The following PRPF31 variants were observed in gnomAD, a reference collection of about 807,000 sequenced individuals.
PRPF31 encodes the protein pre-mRNA processing factor 31, also known as U4/U6 small nuclear ribonucleoprotein Prp31.
PRPF31 carries 12 observed loss-of-function variants against 60.4 expected under a neutral mutation model. That is an observed-to-expected ratio of 0.20 (90% CI 0.13 to 0.32). PRPF31 has a LOEUF of 0.32. Among genes scored for constraint, PRPF31 ranks in the 10% least tolerant of loss-of-function variants. The pLI is 1.00. For missense variants in PRPF31, 431 were observed against 687.1 expected (o/e 0.63, Z 4.17); for synonymous variants, 287 against 287.9 (o/e 1.00, Z 0.03).
chr19:54,130,391 C>T (rs764992776), intron 13 of PRPF31, among the ~76,000 whole-genome samples: 3 of 152,120 alleles, frequency 2.0e-5, no homozygotes, highest in Non-Finnish European at 2.9e-5. Flanking sequence ...TTTGGGAGGC[C>T]GAGGCAGGTG....
At chr19:54,125,820 G>A (rs909362093) in intron 8 of PRPF31, among the ~76,000 whole-genome samples, 6 of 152,236 alleles carry the variant, frequency 3.9e-5, no homozygotes, top group African/African-American at 1.4e-4. Context: ...CCCAGGACGG[G>A]TGGGCCTGGG....
chr19:54,120,135 A>G (rs1371243656), intron 3 of PRPF31: 1 of 152,302 alleles, frequency 6.6e-6, no homozygotes, highest in Non-Finnish European at 1.5e-5. Context: ...AAAGAAAGGG[A>G]GAAGGGGGCC....
At chr19:54,121,030 G>A (rs1172416682) in intron 3 of PRPF31, among the ~76,000 whole-genome samples, 2 of 152,288 alleles carry the variant, frequency 1.3e-5, no homozygotes, top group Non-Finnish European at 2.9e-5. Context: ...GGTGGCTCAC[G>A]CCTGTCATCC....
At chr19:54,118,036 G>T (rs1313279053) in intron 1 of PRPF31, among the ~76,000 whole-genome samples, 1 of 152,160 alleles carries the variant, frequency 6.6e-6, no homozygotes, top group African/African-American at 2.4e-5. Context: ...ACACCACTTG[G>T]TTCCAGTAAG....
At chr19:54,127,173 A>T (rs2073941840) in intron 9 of PRPF31, among the ~76,000 whole-genome samples, 1 of 152,198 alleles carries the variant, frequency 6.6e-6, no homozygotes, top group African/African-American at 2.4e-5. Flanking sequence ...TGTAGGTCAG[A>T]AGTCCAAAAT....
At chr19:54,122,346 C>T (rs1480787206) in intron 4 of PRPF31, 151 bp from the exon 5 acceptor site, 17 of 771,600 alleles carry the variant, frequency 2.2e-5, no homozygotes, top group African/African-American at 1.2e-4. Flanking sequence ...GCGGTAAGGA[C>T]GGCTGAGAAA....
intron 3 of PRPF31, 33 bp downstream of exon 3, chr19:54,118,666 T>C: frequency 6.2e-7 from 1 of 1,608,710 alleles, no homozygotes; most frequent in South Asian, 1.1e-5. Flanking sequence ...CCTCCCCATC[T>C]CCTGTCTCTC....
At chr19:54,121,135 TACAA>T (rs2073776215) in intron 3 of PRPF31, among the ~76,000 whole-genome samples, 1 of 151,526 alleles carries the variant, frequency 6.6e-6, no homozygotes, top group Admixed American at 6.6e-5. Context: ...CTACTAAAAA[TACAA>T]ACAAACAAAA....
Position 54,123,575 on chromosome 19 carries a change from A to C in PRPF31, c.527+15A>C. 1 of 1,613,266 alleles carries C rather than the reference A, an allele frequency of 6.2e-7. No individual in the cohort carries two copies. On this transcript the variant is annotated intron_variant, in intron 6 of 13. Coordinates refer to ENST00000321030, the MANE Select transcript of PRPF31 (RefSeq NM_015629.4). Reference sequence around the variant, plus strand: ...ACCACCCAGGGGTATGTCCGCTTCGAGGGAGGCGCCGGGCCCTAATGGGAT... The same window carrying C: ...ACCACCCAGGGGTATGTCCGCTTCGCGGGAGGCGCCGGGCCCTAATGGGAT...
rs368927872 is a variant in PRPF31 at position 54,127,970 on chromosome 19, T to C, written c.946-103T>C. The C allele has an allele frequency of 5.1e-4, 762 of 1,490,234 alleles. 7 individuals are homozygous for C. The South Asian group carries it at 6.3e-3, about 12-fold the overall frequency. The allele number at this position is 1,490,234 out of a possible 1,614,324, so 92.3% of individuals were successfully genotyped here. A position where few individuals can be genotyped will look rare whatever the true frequency, so the allele number is the denominator to read the frequency against. On this transcript the variant is annotated intron_variant, in intron 9 of 13. Coordinates refer to ENST00000321030, the MANE Select transcript of PRPF31 (RefSeq NM_015629.4). ...GTGGCGGTGAGGCAGCATTAGGTGCTGATTTAACTAAGGCACGTGGATACT... is the reference window on the plus strand; with the variant it reads ...GTGGCGGTGAGGCAGCATTAGGTGCCGATTTAACTAAGGCACGTGGATACT...
intron 4 of PRPF31, 145 bp downstream of exon 4, chr19:54,122,088 A>G: frequency 1.1e-6 from 1 of 881,754 alleles, no homozygotes; most frequent in Non-Finnish European, 1.8e-6. Flanking sequence ...GGCTGAAATA[A>G]GAAGGAAGTG....
At chr19:54,120,527 C>G (rs1280647055) in intron 3 of PRPF31, 1 of 152,262 alleles carries the variant, frequency 6.6e-6, no homozygotes, top group African/African-American at 2.4e-5. Flanking sequence ...CGCCGCCCTG[C>G]CTGGTGTCAG....
intron 9 of PRPF31, 45 bp downstream of exon 9, chr19:54,126,662 G>A: frequency 6.4e-7 from 1 of 1,561,998 alleles, no homozygotes. Flanking sequence ...TTTTCCTCTG[G>A]GCCTGGGGTG....
chr19:54,119,158 G>C (rs1182758356), intron 3 of PRPF31, among the ~76,000 whole-genome samples: 1 of 152,080 alleles, frequency 6.6e-6, no homozygotes, highest in Non-Finnish European at 1.5e-5. Context: ...GGAGGCAGGT[G>C]GATCATGAGT....
rs1276278177 is a variant in PRPF31, at chr19:54,128,166, C to T, written c.1039C>T (p.Leu347=). The T allele has an allele frequency of 1.3e-6, 2 of 1,565,956 alleles. No individual in the cohort carries two copies. Among genetic ancestry groups the T allele is most frequent in the Non-Finnish European group, 1.7e-6 (2 of 1,156,826 alleles). ...GCAGGTGAAGCCGCTGCCTGCGCCC[C>T]TGGATGGACAGCGGAAGAAGCGAGG... ...VKQVKPLPAP[L]DGQRKKRGGR... The change falls in exon 10 of 14, where the codon CTG becomes TTG. Residue 347 remains leucine, a synonymous_variant. Coordinates refer to ENST00000321030, the MANE Select transcript of PRPF31 (RefSeq NM_015629.4).
At chr19:54,122,407 C>T (rs1355316759) in intron 4 of PRPF31, 90 bp from the exon 5 acceptor site, 18 of 979,240 alleles carry the variant, frequency 1.8e-5, no homozygotes, top group Non-Finnish European at 3.0e-5. Context: ...GCTTCAGTTA[C>T]TAAAGGAAGA....
At chr19:54,126,451 A>C in intron 8 of PRPF31, 77 bp from the exon 9 acceptor site, 4 of 1,363,130 alleles carry the variant, frequency 2.9e-6, no homozygotes, top group African/African-American at 1.4e-5. Context: ...CCAGAGGAGG[A>C]GCGCGCGCGG....
chr19:54,128,285 G>GGGGC lies in PRPF31; in HGVS notation c.1074-20_1074-19insGGGC. 1 of 1,540,460 alleles carries GGGGC rather than the reference G, an allele frequency of 6.5e-7. No individual in the cohort carries two copies. The highest frequency in any genetic ancestry group is 8.8e-7 in the Non-Finnish European group (1 of 1,139,242). On this transcript the variant is annotated intron_variant, in intron 10 of 13. Coordinates refer to ENST00000321030, the MANE Select transcript of PRPF31 (RefSeq NM_015629.4). The stretch of plus-strand genomic sequence containing the variant: ...TCCTCCCAGCCGACTCCCTGGCGCC[G>GGGGC]CCCACCCACCCGTCCCCAGGTACCG...
intron 8 of PRPF31, 151 bp from the exon 9 acceptor site, chr19:54,126,375 GGA>G: frequency 1.4e-6 from 1 of 712,270 alleles, no homozygotes; most frequent in East Asian, 2.7e-5. Context: ...CTGTGAAGTA[GGA>G]GCTGAGAGCA....
Sources: allele counts gnomAD v4.1 joint callset (sites outside exome capture counted in the v4.1 genomes callset), GRCh38; gene constraint gnomAD v4.1.1; transcripts MANE v1.5; gene names NCBI Gene and HGNC (gene_info 2026-07-23, HGNC 2026-07-21).